TNRC6B: variants seen among roughly 807,000 people sequenced by gnomAD.
The protein encoded by TNRC6B is trinucleotide repeat containing adaptor 6B.
A neutral mutation model predicts 203.6 loss-of-function variants in TNRC6B; 52 were observed. The observed-to-expected ratio is 0.26, with a 90% CI of 0.20 to 0.32. TNRC6B has a LOEUF of 0.32. TNRC6B is among the 10% of genes least tolerant of loss of function. TNRC6B has a pLI of 1.00. For synonymous variants in TNRC6B, 838 were observed against 845.7 expected (o/e 0.99, Z 0.16); for missense variants, 1,923 against 2,286.2 (o/e 0.84, Z 3.24).
chr22:40,208,070 GC>G (rs1240250011), intron 1 of TNRC6B, among the ~76,000 whole-genome samples: 1 of 143,666 alleles, frequency 7.0e-6, no homozygotes, highest in Middle Eastern at 3.9e-3. Context: ...GCTGAGATGC[GC>G]CCGTCTCTCC....
chr22:40,310,562 A>G (rs1332033213), intron 16 of TNRC6B, among the ~76,000 whole-genome samples: 1 of 152,232 alleles, frequency 6.6e-6, no homozygotes, highest in Non-Finnish European at 1.5e-5. Context: ...TAAAACTGAA[A>G]GGAACATTCA....
chr22:40,280,831 C>CAATA (rs1332927735), intron 10 of TNRC6B, among the ~76,000 whole-genome samples: 1 of 152,090 alleles, frequency 6.6e-6, no homozygotes, highest in Non-Finnish European at 1.5e-5. Flanking sequence ...CTAGAGTAAT[C>CAATA]AATATTAGAT....
In TNRC6B at chr22:40,318,427, G is replaced by C. The variant is rs568350869; in HGVS notation, c.4974+2415G>C. On this transcript the variant is annotated intron_variant, in intron 21 of 22. Coordinates refer to ENST00000454349, the MANE Select transcript of TNRC6B (RefSeq NM_001162501.2). ...CCGGGTGTGGTGGTGAGCACCTGTA[G>C]TCCCAGCTACTTGGGAGGCTGTGGC... is the stretch of plus-strand genomic sequence containing the variant. Among the ~76,000 whole-genome samples, 203 of 152,192 alleles carry C rather than the reference G, an allele frequency of 1.3e-3. 1 individual carries two copies. Among genetic ancestry groups the C allele is most frequent in the African/African-American group, 4.7e-3 (197 of 41,510 alleles).
intron 1 of TNRC6B, among the ~76,000 whole-genome samples, chr22:40,099,861 C>T (rs2068219222): frequency 6.6e-6 from 1 of 151,766 alleles, no homozygotes; most frequent in African/African-American, 2.4e-5. Context: ...CGCCATTCTC[C>T]TTCCTCAGCC....
intron 2 of TNRC6B, among the ~76,000 whole-genome samples, chr22:40,118,337 C>G (rs552615940): frequency 6.6e-6 from 1 of 152,304 alleles, no homozygotes; most frequent in South Asian, 2.1e-4. Flanking sequence ...GCTAAGAGTT[C>G]TACACACATT....
At chr22:40,241,107 G>C (rs957178875) in intron 1 of TNRC6B, among the ~76,000 whole-genome samples, 1 of 152,092 alleles carries the variant, frequency 6.6e-6, no homozygotes, top group Non-Finnish European at 1.5e-5. Context: ...CAATAGTTTT[G>C]TGTTTGTTGT....
chr22:40,253,481 AC>A (rs1250650665), intron 3 of TNRC6B: 1 of 443,082 alleles, frequency 2.3e-6, no homozygotes, highest in East Asian at 7.0e-5. Context: ...TAAAAATCAA[AC>A]TTTCCTTTCT....
intron 1 of TNRC6B, among the ~76,000 whole-genome samples, chr22:40,190,804 G>A (rs926026091): frequency 6.6e-6 from 1 of 152,230 alleles, no homozygotes; most frequent in Non-Finnish European, 1.5e-5. Context: ...GCTGTGTCGG[G>A]TGTTTGGAAG....
At chr22:40,251,578 A>G (rs1199847591) in intron 3 of TNRC6B, among the ~76,000 whole-genome samples, 1 of 152,128 alleles carries the variant, frequency 6.6e-6, no homozygotes, top group Non-Finnish European at 1.5e-5. Flanking sequence ...AATTAGCCAG[A>G]CATGGAGGCT....
intron 1 of TNRC6B, among the ~76,000 whole-genome samples, chr22:40,072,555 G>A (rs1177134943): frequency 7.9e-5 from 12 of 152,058 alleles, no homozygotes; most frequent in East Asian, 1.9e-4. Flanking sequence ...CTTTTATTGA[G>A]CACTAACTTA....
chr22:40,292,111 A>G (rs2070876105), intron 12 of TNRC6B, among the ~76,000 whole-genome samples: 1 of 151,948 alleles, frequency 6.6e-6, no homozygotes, highest in Non-Finnish European at 1.5e-5. Context: ...GGAGAATGGC[A>G]TGAACCCTGG....
chr22:40,291,160 C>T (rs1601494646), intron 12 of TNRC6B, among the ~76,000 whole-genome samples: 1 of 152,198 alleles, frequency 6.6e-6, no homozygotes, highest in East Asian at 1.9e-4. Context: ...CCAAGATGGG[C>T]AGATTGCTTG....
At chr22:40,276,332 GAA>G (rs368624697) in intron 7 of TNRC6B, among the ~76,000 whole-genome samples, 6 of 118,142 alleles carry the variant, frequency 5.1e-5, no homozygotes, top group Admixed American at 8.8e-5. Context: ...GGGTGACAGA[GAA>G]AAAAAAAAAA....
At chr22:40,099,630 A>T (rs1370053515) in intron 1 of TNRC6B, among the ~76,000 whole-genome samples, 1 of 152,246 alleles carries the variant, frequency 6.6e-6, no homozygotes, top group African/African-American at 2.4e-5. Flanking sequence ...TAGCATTTGC[A>T]TTGTATTAGA....
At chr22:40,230,819 A>C (rs1324727176) in intron 1 of TNRC6B, among the ~76,000 whole-genome samples, 1 of 152,114 alleles carries the variant, frequency 6.6e-6, no homozygotes, top group Non-Finnish European at 1.5e-5. Flanking sequence ...TTTTTCTAAC[A>C]TAGGGTCACA....
In TNRC6B at chr22:40,266,897, T is replaced by C; in HGVS notation, c.2667T>C (p.Ile889=). 6.2e-7 allele frequency: 1 copy of C among 1,613,928 alleles called. No individual in the cohort carries two copies. ...SPQSISRKMD[I]DDGTSAWGDP... is the part of the protein sequence containing the mutation. ...AGTCAATTAGTCGGAAAATGGACATTGATGATGGCACTTCAGCATGGGGAG... is the reference window on the plus strand; with the variant it reads ...AGTCAATTAGTCGGAAAATGGACATCGATGATGGCACTTCAGCATGGGGAG... Residue 889 remains isoleucine (I), a synonymous_variant, in exon 5 of 23, where the codon ATT becomes ATC. Transcript: ENST00000454349.
rs1044126016 is a variant in TNRC6B at position 40,325,757 on chromosome 22, C to A, written c.*2516C>A. On this transcript the variant is annotated 3_prime_UTR_variant, in exon 23 of 23. Transcript: ENST00000454349. ...AGTGTCCCTGGGCCAGGAGCATATC[C>A]CAAGGCTCCTGCGAGCCAGTGGCGA... 7 of 152,594 alleles carry A rather than the reference C, an allele frequency of 4.6e-5. No homozygotes were observed. Among genetic ancestry groups the A allele is most frequent in the African/African-American group, 1.4e-4 (6 of 41,406 alleles). The allele number at this position is 152,594 out of a possible 1,614,324, so 9.5% of individuals were successfully genotyped here. A position where few individuals can be genotyped will look rare whatever the true frequency, so the allele number is the denominator to read the frequency against.
At chr22:40,220,161 G>C (rs896107927) in intron 1 of TNRC6B, among the ~76,000 whole-genome samples, 6 of 152,168 alleles carry the variant, frequency 3.9e-5, no homozygotes, top group African/African-American at 1.4e-4. Context: ...CTTGGATGCT[G>C]TGGCTTCCCG....
intron 1 of TNRC6B, among the ~76,000 whole-genome samples, chr22:40,242,248 A>G (rs902899527): frequency 8.5e-5 from 13 of 152,152 alleles, no homozygotes; most frequent in Non-Finnish European, 4.4e-5. Flanking sequence ...ATATACTCAC[A>G]TATGTACACA....
Sources: allele counts gnomAD v4.1 joint callset (sites outside exome capture counted in the v4.1 genomes callset), GRCh38; gene constraint gnomAD v4.1.1; transcripts MANE v1.5; gene names NCBI Gene and HGNC (gene_info 2026-07-23, HGNC 2026-07-21).